The following SYNE3 variants were observed in gnomAD, a reference collection of about 807,000 sequenced individuals.
The protein encoded by SYNE3 is nesprin-3.
A neutral mutation model predicts 111.2 loss-of-function variants in SYNE3; 100 were observed. The observed-to-expected ratio is 0.90, with a 90% CI of 0.77 to 1.06. The LOEUF is 1.06. Ranked by LOEUF, SYNE3 falls within the 50% of genes least tolerant of loss-of-function variation. The probability of loss-of-function intolerance (pLI) is 0.00; values close to 1 mark genes in which losing one functional copy is unlikely to be tolerated. For synonymous variants in SYNE3, 547 were observed against 533.9 expected (o/e 1.02, Z -0.34); for missense variants, 1,160 against 1,240.3 (o/e 0.94, Z 0.97).
At chr14:95,427,453 T>A (rs1885501210) in intron 17 of SYNE3, among the ~76,000 whole-genome samples, 1 of 152,246 alleles carries the variant, frequency 6.6e-6, no homozygotes, top group South Asian at 2.1e-4. Flanking sequence ...GTCACGCTCC[T>A]AGTCCACTTT....
intron 1 of SYNE3, among the ~76,000 whole-genome samples, chr14:95,515,703 A>G (rs1890894212): frequency 6.6e-6 from 1 of 152,190 alleles, no homozygotes; most frequent in South Asian, 2.1e-4. Context: ...GTGCAGGGAT[A>G]AGGGTGACCC....
Position 95,416,381 on chromosome 14 carries a change from G to T in SYNE3, c.*1445C>A, listed in dbSNP as rs980444384. 6.6e-6 allele frequency: 1 copy of T among 152,224 alleles called. No homozygotes were observed. Among genetic ancestry groups the T allele is most frequent in the African/African-American group, 2.4e-5 (1 of 41,452 alleles). 9.4% of individuals were successfully genotyped at this position (152,224 alleles called of 1,614,324 possible). A position where few individuals can be genotyped will look rare whatever the true frequency, so the allele number is the denominator to read the frequency against. On this transcript the variant is annotated 3_prime_UTR_variant, in exon 18 of 18. Coordinates refer to ENST00000682763, the MANE Select transcript of SYNE3 (RefSeq NM_152592.6). The stretch of plus-strand genomic sequence containing the variant: ...ACAGAAGGTCCGAGGAAATCCCCTC[G>T]TATTTGTAGTTGAACAGACAAAATC...
chr14:95,459,734 G>T (rs551425057), intron 4 of SYNE3, among the ~76,000 whole-genome samples: 14 of 152,174 alleles, frequency 9.2e-5, no homozygotes, highest in Admixed American at 9.2e-4. Flanking sequence ...CTGCAAGTAG[G>T]AGAAAACATC....
At chr14:95,438,784 G>C in intron 14 of SYNE3, 1 of 454,170 alleles carries the variant, frequency 2.2e-6, no homozygotes, top group Non-Finnish European at 4.0e-6. Context: ...TATCTGACTG[G>C]CTAAGGGATA....
intron 2 of SYNE3, among the ~76,000 whole-genome samples, chr14:95,468,839 A>G (rs8023231): frequency 0.38 from 58,391 of 152,022 alleles, 11,763 homozygotes; most frequent in African/African-American, 0.43. Flanking sequence ...TAAGTGTCCA[A>G]GTAATGCTAG....
rs1240806576 is a variant in SYNE3 at position 95,414,405 on chromosome 14, C to CA, written c.*3420dup. The CA allele has an allele frequency of 2.0e-5, 3 of 152,230 alleles. No homozygotes were observed. The highest frequency in any genetic ancestry group is 2.0e-4 in the Admixed American group (3 of 15,286). The allele number at this position is 152,230 out of a possible 1,614,324, so 9.4% of individuals were successfully genotyped here. A position where few individuals can be genotyped will look rare whatever the true frequency, so the allele number is the denominator to read the frequency against. On this transcript the variant is annotated 3_prime_UTR_variant, in exon 18 of 18. Coordinates refer to ENST00000682763, the MANE Select transcript of SYNE3 (RefSeq NM_152592.6). Reference sequence around the variant, plus strand: ...CAAGCACCCACGAGCACCAAACGAGCACATTCTTTGTCTCCCTTGTCGGTG... The same window carrying CA: ...CAAGCACCCACGAGCACCAAACGAGCAACATTCTTTGTCTCCCTTGTCGGTG...
intron 5 of SYNE3, 120 bp downstream of exon 5, chr14:95,457,057 C>G: frequency 7.3e-7 from 1 of 1,372,682 alleles, no homozygotes; most frequent in Non-Finnish European, 9.8e-7. Context: ...TGCACTCCAG[C>G]CTGAGCAACA....
chr14:95,488,885 T>A lies in SYNE3; in HGVS notation c.-14-13050A>T, dbSNP rs553738523. Reference sequence around the variant, plus strand: ...TTTCATCTTAGCCCTTCTGGTAGCATGTCATGCTGGCTCACTGTGGCTTGC... The same window carrying A: ...TTTCATCTTAGCCCTTCTGGTAGCAAGTCATGCTGGCTCACTGTGGCTTGC... On this transcript the variant is annotated intron_variant, in intron 1 of 17. Coordinates refer to ENST00000682763, the MANE Select transcript of SYNE3 (RefSeq NM_152592.6). 4.6e-5 allele frequency among the ~76,000 whole-genome samples: 7 copies of A among 152,344 alleles called. No individual in the cohort carries two copies. In the South Asian group the frequency reaches 1.5e-3, roughly 32 times the overall value.
rs372685550 is a variant in SYNE3 at position 95,446,125 on chromosome 14, C to T, written c.1450-34G>A. ...GACAAGGCTTCCGTGAACCACAGACCGGGCAGGACACAGCTCAGAAACAGA... is the reference window on the plus strand; with the variant it reads ...GACAAGGCTTCCGTGAACCACAGACTGGGCAGGACACAGCTCAGAAACAGA... On this transcript the variant is annotated intron_variant, in intron 8 of 17. Coordinates refer to ENST00000682763, the MANE Select transcript of SYNE3 (RefSeq NM_152592.6). 54 of 1,610,600 alleles carry T rather than the reference C, an allele frequency of 3.4e-5. 1 individual carries two copies. In the South Asian group the frequency reaches 4.0e-4, roughly 12 times the overall value.
chr14:95,478,475 C>G (rs1480871950), intron 1 of SYNE3, among the ~76,000 whole-genome samples: 2 of 152,162 alleles, frequency 1.3e-5, no homozygotes, highest in African/African-American at 4.8e-5. Context: ...CCAGACTGCT[C>G]TGGGTCCTCC....
intron 1 of SYNE3, among the ~76,000 whole-genome samples, chr14:95,491,306 C>G (rs188691759): frequency 6.6e-6 from 1 of 152,112 alleles, no homozygotes; most frequent in Non-Finnish European, 1.5e-5. Flanking sequence ...GAAGTAGACC[C>G]GCCCAAGATC....
intron 17 of SYNE3, among the ~76,000 whole-genome samples, chr14:95,422,800 G>A (rs929832246): frequency 3.3e-5 from 5 of 152,234 alleles, no homozygotes; most frequent in African/African-American, 1.2e-4. Context: ...GGCCTCTGAA[G>A]GCCCCTCTGA....
At chr14:95,458,051 CAG>C (rs1356783515) in intron 4 of SYNE3, among the ~76,000 whole-genome samples, 2 of 152,198 alleles carry the variant, frequency 1.3e-5, no homozygotes, top group Non-Finnish European at 2.9e-5. Context: ...CTTAACAACA[CAG>C]GGGTAAGATG....
At position 95,491,306 on chromosome 14, in the gene SYNE3, C is replaced by T. The variant is rs188691759; in HGVS notation, c.-14-15471G>A. ...GGAGACTTAGTGAAGGAAGTAGACCCGCCCAAGATCTGGCAGCAGCTCAGT... is the reference window on the plus strand; with the variant it reads ...GGAGACTTAGTGAAGGAAGTAGACCTGCCCAAGATCTGGCAGCAGCTCAGT... On this transcript the variant is annotated intron_variant, in intron 1 of 17. Coordinates refer to ENST00000682763, the MANE Select transcript of SYNE3 (RefSeq NM_152592.6). Among the ~76,000 whole-genome samples the T allele has an allele frequency of 2.6e-3, 399 of 152,228 alleles. 1 individual carries two copies. The highest frequency in any genetic ancestry group is 8.8e-3 in the African/African-American group (367 of 41,542).
At position 95,443,244 on chromosome 14, in the gene SYNE3, C is replaced by T; in HGVS notation, c.1822G>A (p.Ala608Thr). The T allele has an allele frequency of 1.2e-6, 2 of 1,614,240 alleles. No individual in the cohort carries two copies. Among genetic ancestry groups the T allele is most frequent in the Non-Finnish European group, 1.7e-6 (2 of 1,180,038 alleles). ...GLDLGAQMEA[A>T]RPLVQENPNH... ...GGGTTCTCCTGGACCAGAGGCCTTG[C>T]AGCCTCCATCTGTGCCCCCAAGTCC... The change falls in exon 11 of 18, where the codon GCA (alanine) becomes ACA (threonine). Residue 608 changes from alanine to threonine, a missense_variant. Physicochemically the swap from Ala to Thr is moderately conservative, Grantham distance 58. Transcript: ENST00000682763.
chr14:95,444,345 A>G, intron 10 of SYNE3, 140 bp downstream of exon 10: 1 of 1,113,296 alleles, frequency 9.0e-7, no homozygotes, highest in Non-Finnish European at 1.2e-6. Flanking sequence ...GTTGAGGTGA[A>G]AGGTCAGATC....
chr14:95,514,858 C>T (rs778611872), intron 1 of SYNE3, among the ~76,000 whole-genome samples: 1 of 152,222 alleles, frequency 6.6e-6, no homozygotes, highest in Non-Finnish European at 1.5e-5. Context: ...GGCCGCCAAG[C>T]CAGGGCCCCC....
At position 95,411,208 on chromosome 14, in the gene SYNE3, T is replaced by G. The variant is rs1299000413; in HGVS notation, c.*6618A>C. The G allele has an allele frequency of 6.6e-6, 1 of 151,902 alleles. No individual in the cohort carries two copies. The highest frequency in any genetic ancestry group is 1.5e-5 in the Non-Finnish European group (1 of 68,026). The allele number at this position is 151,902 out of a possible 1,614,324, so 9.4% of individuals were successfully genotyped here. Reference sequence around the variant, plus strand: ...TCCATTTTGCCTCCCCTAAAAGTCCTACTTGGCAGTTCATCCCATTGTCTG... The same window carrying G: ...TCCATTTTGCCTCCCCTAAAAGTCCGACTTGGCAGTTCATCCCATTGTCTG... On this transcript the variant is annotated 3_prime_UTR_variant, in exon 18 of 18. Transcript: ENST00000682763.
At chr14:95,501,865 A>C (rs1890349796) in intron 1 of SYNE3, among the ~76,000 whole-genome samples, 1 of 152,182 alleles carries the variant, frequency 6.6e-6, no homozygotes, top group Admixed American at 6.5e-5. Context: ...ACTCTGGCCT[A>C]GAGCAGGCAG....
Sources: allele counts gnomAD v4.1 joint callset (sites outside exome capture counted in the v4.1 genomes callset), GRCh38; gene constraint gnomAD v4.1.1; transcripts MANE v1.5; gene names NCBI Gene and HGNC (gene_info 2026-07-23, HGNC 2026-07-21).